Variants in KALRN observed in about 807,000 individuals in gnomAD.
KALRN encodes kalirin RhoGEF kinase, also known as kalirin.
Under a neutral mutation model 353.7 loss-of-function variants are expected in KALRN, and 70 were observed. That is an observed-to-expected ratio of 0.20 (90% CI 0.16 to 0.24). The LOEUF is 0.24. Ranked by LOEUF, KALRN falls within the 10% of genes least tolerant of loss-of-function variation. The probability of loss-of-function intolerance (pLI) is 1.00; values close to 1 mark genes in which losing one functional copy is unlikely to be tolerated. For missense variants in KALRN, 2,791 were observed against 3,756.7 expected, an observed-to-expected ratio of 0.74 and a Z score of 6.72; for synonymous variants, 1,391 against 1,434.8, an observed-to-expected ratio of 0.97 and a Z score of 0.69.
chr3:124,123,360 C>T (rs1200211518), intron 1 of KALRN, among the ~76,000 whole-genome samples: 3 of 152,140 alleles, frequency 2.0e-5, no homozygotes, highest in Admixed American at 6.5e-5. Context: ...AAAGTTCTAG[C>T]GATCTGGATA....
chr3:124,347,833 G>A (rs1241945303), intron 10 of KALRN, among the ~76,000 whole-genome samples: 1 of 152,100 alleles, frequency 6.6e-6, no homozygotes, highest in Non-Finnish European at 1.5e-5. Context: ...CGTGTGATTT[G>A]TACAATATTT....
chr3:124,669,908 ACT>A (rs1435984133), intron 47 of KALRN, among the ~76,000 whole-genome samples: 3 of 150,992 alleles, frequency 2.0e-5, no homozygotes, highest in East Asian at 1.9e-4. Context: ...AAGAAAAAAA[ACT>A]CTGTACATGT....
intron 34 of KALRN, among the ~76,000 whole-genome samples, chr3:124,617,752 C>A (rs888385712): frequency 1.3e-5 from 2 of 152,124 alleles, no homozygotes; most frequent in South Asian, 2.1e-4. Flanking sequence ...TCCCACAAGT[C>A]CCCAGATGAT....
rs192764340 is a variant in KALRN, at chr3:124,178,236, C to T, written c.74-49754C>T. On this transcript the variant is annotated intron_variant, in intron 1 of 59. Transcript: ENST00000682506. ...AAGAACTTCAGTGGATGCCTGAAAC[C>T]GTGGATAGTACCAAACCCTACATAT... Among the ~76,000 whole-genome samples the T allele has an allele frequency of 3.3e-5, 5 of 152,248 alleles. No homozygotes were observed. The South Asian group carries it at 6.2e-4, about 19-fold the overall frequency.
At chr3:124,081,814 A>G (rs754172504) in intron 1 of KALRN, among the ~76,000 whole-genome samples, 1 of 152,200 alleles carries the variant, frequency 6.6e-6, no homozygotes, top group African/African-American at 2.4e-5. Flanking sequence ...AAACAGCGGT[A>G]TACTCACACA....
At chr3:124,155,890 T>C (rs1035341213) in intron 1 of KALRN, among the ~76,000 whole-genome samples, 3 of 152,202 alleles carry the variant, frequency 2.0e-5, no homozygotes, top group African/African-American at 7.2e-5. Flanking sequence ...CTTATTTTAA[T>C]TACTCTGTGA....
intron 34 of KALRN, among the ~76,000 whole-genome samples, chr3:124,566,883 A>G (rs2072908937): frequency 6.6e-6 from 1 of 152,176 alleles, no homozygotes. Flanking sequence ...TTCAATTCCC[A>G]TAAGAGAACT....
intron 32 of KALRN, among the ~76,000 whole-genome samples, chr3:124,495,850 T>G (rs1029272508): frequency 6.8e-6 from 1 of 147,024 alleles, no homozygotes; most frequent in Non-Finnish European, 1.5e-5. Context: ...TACCCTGAAT[T>G]TGGGATTATT....
chr3:124,450,602 GCC>G (rs2058680850), intron 21 of KALRN, among the ~76,000 whole-genome samples: 1 of 140,466 alleles, frequency 7.1e-6, no homozygotes, highest in Admixed American at 7.4e-5. Context: ...CACTCTTGTT[GCC>G]CAGGCTGGAG....
intron 33 of KALRN, among the ~76,000 whole-genome samples, chr3:124,530,043 G>T (rs2067911907): frequency 6.6e-6 from 1 of 152,102 alleles, no homozygotes; most frequent in East Asian, 1.9e-4. Context: ...TGAAGCTCCA[G>T]GAAATGAAAA....
chr3:124,582,107 G>A (rs1026986784), intron 34 of KALRN, among the ~76,000 whole-genome samples: 5 of 149,376 alleles, frequency 3.3e-5, no homozygotes, highest in Admixed American at 1.3e-4. Flanking sequence ...TGCAACCTCC[G>A]CCTTCCGGGT....
intron 1 of KALRN, among the ~76,000 whole-genome samples, chr3:124,157,980 G>A (rs2069266733): frequency 6.6e-6 from 1 of 152,200 alleles, no homozygotes; most frequent in Non-Finnish European, 1.5e-5. Context: ...CTGTTAAGGA[G>A]AAAGGAAACA....
chr3:124,308,839 T>G (rs1245337247), intron 6 of KALRN, among the ~76,000 whole-genome samples: 1 of 151,320 alleles, frequency 6.6e-6, no homozygotes, highest in Non-Finnish European at 1.5e-5. Context: ...AACTAGAGAA[T>G]AGGAAAACAA....
intron 1 of KALRN, among the ~76,000 whole-genome samples, chr3:124,087,199 G>C (rs1448378816): frequency 6.6e-6 from 1 of 152,056 alleles, no homozygotes; most frequent in Non-Finnish European, 1.5e-5. Flanking sequence ...ATTATAATAG[G>C]CTTTAAACGT....
intron 1 of KALRN, among the ~76,000 whole-genome samples, chr3:124,071,396 C>T (rs1577772585): frequency 6.6e-6 from 1 of 152,172 alleles, no homozygotes; most frequent in African/African-American, 2.4e-5. Flanking sequence ...ATGTTCAAAA[C>T]GAAGATCTCA....
At chr3:124,211,230 G>A (rs1373547893) in intron 1 of KALRN, among the ~76,000 whole-genome samples, 4 of 152,186 alleles carry the variant, frequency 2.6e-5, no homozygotes, top group African/African-American at 4.8e-5. Context: ...TCTCATAATA[G>A]CCTTATGAGA....
chr3:124,134,933 G>A (rs568048578), intron 1 of KALRN, among the ~76,000 whole-genome samples: 1 of 152,324 alleles, frequency 6.6e-6, no homozygotes, highest in South Asian at 2.1e-4. Context: ...TGGTGTGAAT[G>A]TAAACTAGTA....
chr3:124,697,704 C>A lies in KALRN; in HGVS notation c.7811C>A (p.Thr2604Asn). The A allele has an allele frequency of 6.3e-7, 1 of 1,589,794 alleles. No homozygotes were observed. The highest frequency in any genetic ancestry group is 8.6e-7 in the Non-Finnish European group (1 of 1,167,410). Reference sequence around the variant, plus strand: ...GGAAACTGCACTATTTCTGGTTACACTGTGGAGTACAGAGAGGAAGGTGCA... The same window carrying A: ...GGAAACTGCACTATTTCTGGTTACAATGTGGAGTACAGAGAGGAAGGTGCA... The part of the protein sequence containing the change: ...STGNCTISGY[T>N]VEYREEGSQI... Residue 2604 changes from threonine (T) to asparagine (N), a missense_variant, in exon 55 of 60, where the codon ACT (threonine) becomes AAT (asparagine). Transcript: ENST00000682506.
At chr3:124,413,702 G>A (rs1209295513) in intron 14 of KALRN, 37 bp downstream of exon 14, 2 of 1,552,472 alleles carry the variant, frequency 1.3e-6, no homozygotes, top group Non-Finnish European at 8.9e-7. Context: ...CAGAGGAGAT[G>A]ATGAAAACAA....
Sources: allele counts gnomAD v4.1 joint callset (sites outside exome capture counted in the v4.1 genomes callset), GRCh38; gene constraint gnomAD v4.1.1; transcripts MANE v1.5; gene names NCBI Gene and HGNC (gene_info 2026-07-23, HGNC 2026-07-21).